KCTD15: variants seen among roughly 807,000 people sequenced by gnomAD.
KCTD15 encodes the protein BTB/POZ domain-containing protein KCTD15.
Under a neutral mutation model 27.2 loss-of-function variants are expected in KCTD15, and 11 were observed. The observed-to-expected ratio is 0.41, with a 90% CI of 0.25 to 0.67. The LOEUF is 0.67. KCTD15 is among the 30% of genes least tolerant of loss of function. The pLI is 0.35. For missense variants in KCTD15, 350 were observed against 409.3 expected (o/e 0.86, Z 1.25); for synonymous variants, 163 against 176.0 (o/e 0.93, Z 0.58).
chr19:33,805,259 C>A lies in KCTD15; in HGVS notation c.243-1604C>A, dbSNP rs549649297. 2.6e-4 allele frequency among the ~76,000 whole-genome samples: 40 copies of A among 152,280 alleles called. 1 individual carries two copies. In the South Asian group the frequency reaches 4.8e-3, roughly 18 times the overall value. On this transcript the variant is annotated intron_variant, in intron 4 of 6. Coordinates refer to ENST00000683859, the MANE Select transcript of KCTD15 (RefSeq NM_001129994.2). ...TTATACTACCCTGCTAGGAGAGAAACCTGCACCGTGTTCCCAGAGACTCCA... is the reference window on the plus strand; with the variant it reads ...TTATACTACCCTGCTAGGAGAGAAAACTGCACCGTGTTCCCAGAGACTCCA...
chr19:33,797,330 C>T (rs2145422267), intron 1 of KCTD15: 2 of 428,072 alleles, frequency 4.7e-6, no homozygotes, highest in Non-Finnish European at 9.4e-6. Flanking sequence ...ACTCTGGCCC[C>T]TGTTCTGGGC....
Position 33,801,229 on chromosome 19 carries a change from GGGCATCCCC to G in KCTD15, c.130_138del (p.Gly44_Pro46del), listed in dbSNP as rs1235584969. 6.2e-7 allele frequency: 1 copy of G among 1,613,432 alleles called. No homozygotes were observed. Among genetic ancestry groups the G allele is most frequent in the Admixed American group, 1.7e-5 (1 of 59,976 alleles). On this transcript the variant is annotated inframe_deletion, in exon 4 of 7. Transcript: ENST00000683859. ...CGCCTGTGTCTCCCCTGGCTGCCCA[GGGCATCCCC>G]CTGCCAGCCCAGCTCACCAAGTCCA...
chr19:33,807,919 C>T (rs564062550), intron 5 of KCTD15, among the ~76,000 whole-genome samples: 2 of 150,912 alleles, frequency 1.3e-5, no homozygotes, highest in African/African-American at 4.9e-5. Flanking sequence ...GCACTCCAGC[C>T]TGGATGACGG....
intron 4 of KCTD15, among the ~76,000 whole-genome samples, chr19:33,806,272 G>C (rs1333460877): frequency 6.6e-6 from 1 of 152,238 alleles, no homozygotes; most frequent in African/African-American, 2.4e-5. Context: ...GGTGTTGACA[G>C]GTGTGTGTCC....
upstream of KCTD15, among the ~76,000 whole-genome samples, chr19:33,795,750 G>C (rs925363615): frequency 1.3e-5 from 2 of 152,112 alleles, no homozygotes; most frequent in Admixed American, 1.3e-4. Flanking sequence ...AGCGGAGACT[G>C]GGGAGGGGCG....
intron 1 of KCTD15, chr19:33,797,356 G>A: frequency 2.2e-6 from 1 of 453,198 alleles, no homozygotes; most frequent in South Asian, 1.6e-5. Flanking sequence ...GCCCTGCAGA[G>A]CTGGCGAGTT....
chr19:33,810,873 C>A (rs1975877095), intron 5 of KCTD15, among the ~76,000 whole-genome samples: 1 of 151,866 alleles, frequency 6.6e-6, no homozygotes, highest in African/African-American at 2.4e-5. Flanking sequence ...AGCATGATCT[C>A]TTCTCTCGGT....
intron 6 of KCTD15, chr19:33,811,783 T>TC (rs1418514463): frequency 1.9e-6 from 3 of 1,601,652 alleles, no homozygotes; most frequent in Non-Finnish European, 2.6e-6. Context: ...TTTTTTTTTT[T>TC]CCAAAAGGAT....
intron 4 of KCTD15, among the ~76,000 whole-genome samples, chr19:33,803,472 G>C (rs555481569): frequency 6.6e-6 from 1 of 152,294 alleles, no homozygotes; most frequent in African/African-American, 2.4e-5. Context: ...AAGATGACCT[G>C]CCCTAGGCAG....
chr19:33,797,448 T>C (rs1361610670), intron 1 of KCTD15: 2 of 452,722 alleles, frequency 4.4e-6, no homozygotes, highest in African/African-American at 4.0e-5. Flanking sequence ...AGAGAAAGTC[T>C]CCAGTGGGAC....
rs370958739 is a variant in KCTD15 at position 33,812,822 on chromosome 19, C to T, written c.726C>T (p.Ser242=). Residue 242 remains serine (S), a synonymous_variant, in exon 7 of 7, where the codon AGC becomes AGT. Coordinates refer to ENST00000683859, the MANE Select transcript of KCTD15 (RefSeq NM_001129994.2). ...VLERLFQRGF[S]VAASCGGGVD... Reference sequence around the variant, plus strand: ...AGCGGCTGTTCCAGAGGGGTTTCAGCGTGGCTGCGTCCTGTGGGGGCGGTG... The same window carrying T: ...AGCGGCTGTTCCAGAGGGGTTTCAGTGTGGCTGCGTCCTGTGGGGGCGGTG... 172 of 1,507,928 alleles carry T rather than the reference C, an allele frequency of 1.1e-4. No homozygotes were observed. The highest frequency in any genetic ancestry group is 1.4e-4 in the Non-Finnish European group (159 of 1,125,422). The allele number at this position is 1,507,928 out of a possible 1,614,324, so 93.4% of individuals were successfully genotyped here.
intron 4 of KCTD15, 70 bp from the exon 5 acceptor site, chr19:33,806,793 G>C: frequency 6.4e-7 from 1 of 1,557,534 alleles, no homozygotes. Flanking sequence ...AGGAGTGGGG[G>C]CGGGGTGTGG....
At chr19:33,809,344 T>G in intron 5 of KCTD15, among the ~76,000 whole-genome samples, 1 of 152,184 alleles carries the variant, frequency 6.6e-6, no homozygotes, top group Non-Finnish European at 1.5e-5. Flanking sequence ...AGTAAATAAA[T>G]AAACAAGCAA....
Position 33,811,399 on chromosome 19 carries a change from G to T in KCTD15, c.540G>T (p.Arg180=). The part of the protein sequence containing the change: ...VVRVTPDLGE[R]IALSGEKALI... ...GCGTCACGCCCGACTTGGGCGAGCGGATCGCACTCAGCGGCGAGAAGGCCC... is the reference window on the plus strand; with the variant it reads ...GCGTCACGCCCGACTTGGGCGAGCGTATCGCACTCAGCGGCGAGAAGGCCC... Residue 180 remains arginine, a synonymous_variant, in exon 6 of 7, where the codon CGG becomes CGT. Transcript: ENST00000683859. 1.2e-6 allele frequency: 2 copies of T among 1,607,758 alleles called. No homozygotes were observed. The highest frequency in any genetic ancestry group is 1.7e-6 in the Non-Finnish European group (2 of 1,177,652).
At chr19:33,795,712 T>TGGGAGA (rs1975299293), upstream of KCTD15, among the ~76,000 whole-genome samples, 1 of 147,906 alleles carries the variant, frequency 6.8e-6, no homozygotes, top group South Asian at 2.2e-4. Context: ...GGAGTGGGAG[T>TGGGAGA]GGGAGAAAAG....
intron 4 of KCTD15, 85 bp from the exon 5 acceptor site, chr19:33,806,777 GC>G (rs1032065327): frequency 2.6e-5 from 39 of 1,485,564 alleles, no homozygotes; most frequent in Non-Finnish European, 3.4e-5. Context: ...AGCCGTGTGG[GC>G]CCTCAGGAGT....
At chr19:33,799,078 T>C (rs560553886) in intron 2 of KCTD15, among the ~76,000 whole-genome samples, 1 of 152,250 alleles carries the variant, frequency 6.6e-6, no homozygotes, top group East Asian at 1.9e-4. Flanking sequence ...TGGTTTTGTT[T>C]TTTTAAGCTT....
intron 5 of KCTD15, 115 bp downstream of exon 5, chr19:33,807,122 G>T: frequency 7.8e-7 from 1 of 1,277,896 alleles, no homozygotes. Context: ...AAAGTTAAAC[G>T]ATGAAGCCGA....
chr19:33,811,590 C>G, intron 6 of KCTD15, 38 bp downstream of exon 6: 2 of 1,571,660 alleles, frequency 1.3e-6, no homozygotes, highest in Non-Finnish European at 1.7e-6. Flanking sequence ...GCCGCACCCC[C>G]GGCGTCCGCG....
Sources: allele counts gnomAD v4.1 joint callset (sites outside exome capture counted in the v4.1 genomes callset), GRCh38; gene constraint gnomAD v4.1.1; transcripts MANE v1.5; gene names NCBI Gene and HGNC (gene_info 2026-07-23, HGNC 2026-07-21).